The following FAM227A variants were observed in gnomAD, a reference collection of about 807,000 sequenced individuals.
The protein encoded by FAM227A is protein FAM227A.
FAM227A carries 80 observed loss-of-function variants against 74.7 expected under a neutral mutation model. The ratio of observed to expected loss-of-function variants is 1.07; its 90% CI spans 0.89 to 1.29. The LOEUF (loss-of-function observed/expected upper bound fraction) is 1.29, where lower values mean the gene tolerates loss of function less well. Among genes scored for constraint, FAM227A ranks in the 50% most tolerant of loss-of-function variants. The pLI is 0.00. For missense variants in FAM227A, 654 were observed against 683.4 expected (o/e 0.96, Z 0.48); for synonymous variants, 237 against 241.8 (o/e 0.98, Z 0.19).
At chr22:38,643,548 C>T (rs1396872826) in intron 3 of FAM227A, among the ~76,000 whole-genome samples, 6 of 152,098 alleles carry the variant, frequency 3.9e-5, no homozygotes, top group Non-Finnish European at 8.8e-5. Flanking sequence ...TCATCCACTG[C>T]GGGTGGGAAG....
chr22:38,651,182 A>C (rs922036836), intron 1 of FAM227A, among the ~76,000 whole-genome samples: 2 of 152,048 alleles, frequency 1.3e-5, no homozygotes, highest in African/African-American at 2.4e-5. Context: ...CCCAGGTGAC[A>C]TATCTGTGGA....
At chr22:38,644,336 CACA>C (rs2092184251) in intron 3 of FAM227A, among the ~76,000 whole-genome samples, 1 of 150,808 alleles carries the variant, frequency 6.6e-6, no homozygotes, top group African/African-American at 2.5e-5. Flanking sequence ...ACAGGTGGAG[CACA>C]GAGGACTGTT....
rs1206080169 is a variant in FAM227A, at chr22:38,597,339, T to C, written c.1397A>G (p.Tyr466Cys). The change falls in exon 15 of 17, where the codon TAT becomes TGT. Residue 466 changes from tyrosine to cysteine, a missense_variant. Transcript: ENST00000535113. ...TTSTPDCTPT[Y>C]TDVISETLCS... is the part of the protein sequence containing the mutation. ...CAGGGTCTCGCTGATGACATCAGTA[T>C]ACGTTGGGGTGCAGTCAGTGGCTTC... 3.9e-6 allele frequency: 6 copies of C among 1,551,732 alleles called. No individual in the cohort carries two copies. Among genetic ancestry groups the C allele is most frequent in the African/African-American group, 1.4e-5 (1 of 73,042 alleles).
intron 1 of FAM227A, among the ~76,000 whole-genome samples, chr22:38,652,662 G>A (rs532439843): frequency 2.4e-4 from 36 of 149,464 alleles, no homozygotes; most frequent in African/African-American, 8.6e-4. Flanking sequence ...CGAGGCAGGT[G>A]GATCACGAGG....
intron 11 of FAM227A, among the ~76,000 whole-genome samples, chr22:38,613,318 A>T (rs1402410869): frequency 2.5e-4 from 20 of 79,360 alleles, no homozygotes; most frequent in African/African-American, 6.8e-4. Context: ...ATAACATATA[A>T]TATATATCAT....
intron 5 of FAM227A, among the ~76,000 whole-genome samples, chr22:38,637,135 T>C (rs927525654): frequency 6.6e-6 from 1 of 152,248 alleles, no homozygotes; most frequent in African/African-American, 2.4e-5. Flanking sequence ...GATTTATATA[T>C]GATTCGTCTG....
intron 11 of FAM227A, among the ~76,000 whole-genome samples, chr22:38,608,239 G>A (rs1414144204): frequency 6.6e-6 from 1 of 151,912 alleles, no homozygotes. Flanking sequence ...GAGGTGGGAG[G>A]ATTGCTTGAG....
intron 15 of FAM227A, among the ~76,000 whole-genome samples, chr22:38,595,974 G>C (rs866586570): frequency 1.0e-4 from 15 of 150,720 alleles, no homozygotes; most frequent in East Asian, 3.9e-4. Context: ...CTAATAAGGG[G>C]GGGGGGGCAG....
chr22:38,613,168 GTATA>G (rs1323960297), intron 11 of FAM227A, among the ~76,000 whole-genome samples: 8 of 66,696 alleles, frequency 1.2e-4, no homozygotes, highest in African/African-American at 2.7e-4. Context: ...TATCTATGCT[GTATA>G]TATATTATAT....
At chr22:38,616,906 G>C (rs927384955) in intron 11 of FAM227A, among the ~76,000 whole-genome samples, 7 of 151,974 alleles carry the variant, frequency 4.6e-5, no homozygotes, top group African/African-American at 1.7e-4. Context: ...CCTCTCCATA[G>C]GCACAGAGAT....
intron 11 of FAM227A, among the ~76,000 whole-genome samples, chr22:38,613,312 C>CATATAATATATATTAT (rs2091487994): frequency 1.8e-5 from 1 of 56,542 alleles, no homozygotes; most frequent in Non-Finnish European, 2.9e-5. Flanking sequence ...TAATATATAA[C>CATATAATATATATTAT]ATATAATATA....
rs1276262300 is a variant in FAM227A at position 38,650,099 on chromosome 22, G to C, written c.70C>G (p.Leu24Val). Residue 24 changes from leucine (L) to valine (V), a missense_variant, in exon 2 of 17, where the codon CTG becomes GTG. By Grantham distance (32) the Leu-to-Val change is conservative. Coordinates refer to ENST00000535113, the MANE Select transcript of FAM227A (RefSeq NM_001013647.2). ...TLPMIPVDEH[L>V]AVSLVARNTM... ...TTCCGTGCGACAAGCGAGACAGCCA[G>C]GTGCTCATCCACTGGTATCATAGGT... The C allele has an allele frequency of 6.4e-7, 1 of 1,551,968 alleles. No homozygotes were observed.
intron 9 of FAM227A, among the ~76,000 whole-genome samples, chr22:38,625,203 C>CTGTGTTA (rs2091771184): frequency 1.3e-5 from 2 of 151,896 alleles, no homozygotes; most frequent in African/African-American, 4.8e-5. Flanking sequence ...TCCTGGCTAA[C>CTGTGTTA]ACAGTGAAAC....
At chr22:38,595,034 G>A (rs1366572044) in intron 15 of FAM227A, among the ~76,000 whole-genome samples, 5 of 152,140 alleles carry the variant, frequency 3.3e-5, no homozygotes, top group African/African-American at 1.2e-4. Context: ...GGGGACGGAG[G>A]TTGCAGTGAG....
At chr22:38,629,420 T>C (rs1385876898) in intron 6 of FAM227A, among the ~76,000 whole-genome samples, 1 of 152,258 alleles carries the variant, frequency 6.6e-6, no homozygotes, top group East Asian at 1.9e-4. Context: ...ACCCTTGCCC[T>C]GGCTCCAAAG....
rs1446604980 is a variant in FAM227A at position 38,585,888 on chromosome 22, A to G, written c.*237T>C. On this transcript the variant is annotated 3_prime_UTR_variant, in exon 17 of 17. Transcript: ENST00000535113. Reference sequence around the variant, plus strand: ...TAACATACTTACCAGCATGCACGTAATAAAATACTGAAAGAGTAAATCTAT... The same window carrying G: ...TAACATACTTACCAGCATGCACGTAGTAAAATACTGAAAGAGTAAATCTAT... 1 of 938,598 alleles carries G rather than the reference A, an allele frequency of 1.1e-6. No homozygotes were observed. The highest frequency in any genetic ancestry group is 1.5e-6 in the Non-Finnish European group (1 of 650,178). The allele number at this position is 938,598 out of a possible 1,614,324, so 58.1% of individuals were successfully genotyped here.
At chr22:38,621,590 G>A (rs2091692912) in intron 10 of FAM227A, among the ~76,000 whole-genome samples, 1 of 152,126 alleles carries the variant, frequency 6.6e-6, no homozygotes, top group Admixed American at 6.5e-5. Context: ...GGGCGACAGA[G>A]CAAGACTCCA....
At chr22:38,650,820 G>C (rs2092311854) in intron 1 of FAM227A, among the ~76,000 whole-genome samples, 1 of 152,082 alleles carries the variant, frequency 6.6e-6, no homozygotes, top group Non-Finnish European at 1.5e-5. Context: ...CAGCTCTCCT[G>C]GGTCCTTGCT....
At position 38,578,600 on chromosome 22, in the gene FAM227A, A is replaced by G. The variant is rs2090681113; in HGVS notation, c.*7525T>C. The G allele has an allele frequency of 6.6e-6, 1 of 152,222 alleles. No homozygotes were observed. The highest frequency in any genetic ancestry group is 6.5e-5 in the Admixed American group (1 of 15,272). The allele number at this position is 152,222 out of a possible 1,614,324, so 9.4% of individuals were successfully genotyped here. On this transcript the variant is annotated 3_prime_UTR_variant, in exon 17 of 17. Transcript: ENST00000535113. ...CCTCAAGGAGCCATGAGTCTAGTAG[A>G]GAAGACAATGCAGAAAGAGATAATC...
Sources: gnomAD v4.1 joint callset for allele counts (sites outside exome capture counted in the v4.1 genomes callset) on GRCh38, gnomAD v4.1.1 for gene constraint, MANE v1.5 for transcripts, NCBI Gene and HGNC (gene_info 2026-07-23, HGNC 2026-07-21) for gene names.